Variants in SLC4A4 observed in about 807,000 individuals in gnomAD.
SLC4A4 encodes the protein solute carrier family 4 member 4.
Under a neutral mutation model 111.5 loss-of-function variants are expected in SLC4A4, and 27 were observed. The observed-to-expected ratio is 0.24, with a 90% CI of 0.18 to 0.33. The LOEUF is 0.33. Ranked by LOEUF, SLC4A4 falls within the 10% of genes least tolerant of loss-of-function variation. SLC4A4 has a pLI of 1.00. For missense variants in SLC4A4, 909 were observed against 1,315.5 expected (o/e 0.69, Z 4.78); for synonymous variants, 443 against 463.4 (o/e 0.96, Z 0.57).
At chr4:71,112,241 G>A (rs1359626318) in intron 2 of SLC4A4, among the ~76,000 whole-genome samples, 8 of 152,220 alleles carry the variant, frequency 5.3e-5, no homozygotes, top group Non-Finnish European at 2.9e-5. Context: ...TAACAGGAAA[G>A]AGTAGCATTC....
At chr4:71,496,212 T>G (rs1027804831) in intron 15 of SLC4A4, among the ~76,000 whole-genome samples, 1 of 152,044 alleles carries the variant, frequency 6.6e-6, no homozygotes, top group Non-Finnish European at 1.5e-5. Context: ...CTCTGATATT[T>G]TAGAAAAGGT....
intron 12 of SLC4A4, among the ~76,000 whole-genome samples, chr4:71,458,435 T>A (rs184195807): frequency 1.3e-5 from 2 of 152,204 alleles, no homozygotes. Flanking sequence ...CAGTCTAGAG[T>A]GAAGACTGAG....
chr4:71,456,134 G>A (rs1726243886), intron 12 of SLC4A4, among the ~76,000 whole-genome samples: 1 of 152,128 alleles, frequency 6.6e-6, no homozygotes, highest in South Asian at 2.1e-4. Flanking sequence ...GATGTAATTT[G>A]ATTATTTTAT....
chr4:71,105,793 A>C (rs1442716146), intron 2 of SLC4A4, among the ~76,000 whole-genome samples: 1 of 112,262 alleles, frequency 8.9e-6, no homozygotes, highest in Non-Finnish European at 1.9e-5. Flanking sequence ...AAAGACTTAA[A>C]CATTAGACCT....
At chr4:71,194,501 T>C (rs1207879596) in intron 1 of SLC4A4, among the ~76,000 whole-genome samples, 2 of 152,196 alleles carry the variant, frequency 1.3e-5, no homozygotes, top group Non-Finnish European at 2.9e-5. Context: ...TTTTTATTGC[T>C]GAAGCTGAGT....
chr4:71,295,435 G>GT (rs1724710692), intron 3 of SLC4A4, among the ~76,000 whole-genome samples: 1 of 152,064 alleles, frequency 6.6e-6, no homozygotes, highest in African/African-American at 2.4e-5. Context: ...ATTTTCAGAG[G>GT]TTTTACCTTG....
intron 2 of SLC4A4, among the ~76,000 whole-genome samples, chr4:71,160,240 T>C (rs1037128400): frequency 6.6e-6 from 1 of 152,128 alleles, no homozygotes; most frequent in African/African-American, 2.4e-5. Flanking sequence ...GACCCAATAC[T>C]CTCTCTTCCT....
At chr4:71,150,239 G>A (rs531735631) in intron 2 of SLC4A4, among the ~76,000 whole-genome samples, 298 of 152,252 alleles carry the variant, frequency 2.0e-3, no homozygotes, top group African/African-American at 7.0e-3. Context: ...GGGAAACAGA[G>A]TATCTGGAAA....
chr4:71,152,431 A>G (rs1006319874), intron 2 of SLC4A4, among the ~76,000 whole-genome samples: 1 of 152,122 alleles, frequency 6.6e-6, no homozygotes, highest in South Asian at 2.1e-4. Context: ...ATGTTATTCT[A>G]TGAGACTTAG....
In SLC4A4 at chr4:71,466,371, T is replaced by C. The variant is rs41309292; in HGVS notation, c.1498-73T>C. ...CTAATAGTATATTCACGTGGCTTTA[T>C]TTGCCTAGTGACATCACAAATGAGA... On this transcript the variant is annotated intron_variant, in intron 12 of 25. Coordinates refer to ENST00000264485, the MANE Select transcript of SLC4A4 (RefSeq NM_001098484.3). 5.9e-4 allele frequency: 927 copies of C among 1,568,014 alleles called. 1 individual carries two copies. Among genetic ancestry groups the C allele is most frequent in the Non-Finnish European group, 7.9e-4 (896 of 1,140,134 alleles).
intron 6 of SLC4A4, among the ~76,000 whole-genome samples, chr4:71,362,716 CT>C (rs755979442): frequency 1.3e-5 from 2 of 152,126 alleles, no homozygotes; most frequent in African/African-American, 2.4e-5. Context: ...TTGGTTTTAT[CT>C]TTTGCTAAAT....
At chr4:71,430,435 T>C (rs545476732) in intron 7 of SLC4A4, among the ~76,000 whole-genome samples, 1 of 152,256 alleles carries the variant, frequency 6.6e-6, no homozygotes, top group South Asian at 2.1e-4. Flanking sequence ...TTCCTAGGTA[T>C]ACTAAAGTTT....
At chr4:71,183,061 A>G (rs1407133045), upstream of SLC4A4, among the ~76,000 whole-genome samples, 4 of 152,176 alleles carry the variant, frequency 2.6e-5, no homozygotes, top group African/African-American at 9.7e-5. Flanking sequence ...TCTATCACAT[A>G]TTGTTCAATT....
At chr4:71,439,663 T>C (rs1724530956) in intron 7 of SLC4A4, among the ~76,000 whole-genome samples, 1 of 151,726 alleles carries the variant, frequency 6.6e-6, no homozygotes, top group African/African-American at 2.4e-5. Context: ...TATCTTCTCC[T>C]ATTCCTATAC....
intron 2 of SLC4A4, among the ~76,000 whole-genome samples, chr4:71,157,578 A>T (rs565347879): frequency 3.3e-5 from 5 of 152,310 alleles, no homozygotes; most frequent in African/African-American, 1.2e-4. Flanking sequence ...ATAGAATGTA[A>T]TGTACAAATT....
At chr4:71,530,146 A>G (rs1393572604) in intron 16 of SLC4A4, among the ~76,000 whole-genome samples, 1 of 152,034 alleles carries the variant, frequency 6.6e-6, no homozygotes. Context: ...TGGGCTTTTA[A>G]TTTTTTATTT....
intron 16 of SLC4A4, among the ~76,000 whole-genome samples, chr4:71,513,545 A>G (rs1250892615): frequency 1.3e-5 from 2 of 152,030 alleles, no homozygotes; most frequent in East Asian, 3.9e-4. Context: ...TTGGGGTTTT[A>G]TTAGATGTAA....
intron 4 of SLC4A4, among the ~76,000 whole-genome samples, chr4:71,345,494 A>G (rs1729247738): frequency 6.6e-6 from 1 of 152,174 alleles, no homozygotes; most frequent in African/African-American, 2.4e-5. Flanking sequence ...AAACTTGGGT[A>G]TAAAGGAAAG....
intron 6 of SLC4A4, among the ~76,000 whole-genome samples, chr4:71,366,067 GATT>G (rs1731270179): frequency 1.3e-5 from 2 of 152,162 alleles, no homozygotes; most frequent in African/African-American, 4.8e-5. Flanking sequence ...GCAGACAGAT[GATT>G]GTCTTTATTG....
Sources: allele counts gnomAD v4.1 joint callset (sites outside exome capture counted in the v4.1 genomes callset), GRCh38; gene constraint gnomAD v4.1.1; transcripts MANE v1.5; gene names NCBI Gene and HGNC (gene_info 2026-07-23, HGNC 2026-07-21).